The following RBFOX2 variants were observed in gnomAD, a reference collection of about 807,000 sequenced individuals.
The protein encoded by RBFOX2 is RNA binding protein fox-1 homolog 2.
Under a neutral mutation model 49.1 loss-of-function variants are expected in RBFOX2, and 10 were observed. The ratio of observed to expected loss-of-function variants is 0.20; its 90% CI spans 0.13 to 0.35. RBFOX2 has a LOEUF of 0.35. RBFOX2 is among the 10% of genes least tolerant of loss of function. The probability of loss-of-function intolerance (pLI) is 1.00; values close to 1 mark genes in which losing one functional copy is unlikely to be tolerated. For missense variants in RBFOX2, 323 were observed against 486.9 expected (o/e 0.66, Z 3.17); for synonymous variants, 183 against 187.4 (o/e 0.98, Z 0.19).
At chr22:36,027,389 G>A (rs78377960) in intron 1 of RBFOX2, among the ~76,000 whole-genome samples, 14,604 of 152,120 alleles carry the variant, frequency 0.096, 760 homozygotes, top group African/African-American at 0.14. Flanking sequence ...ACCTCCAAAG[G>A]TTTCAAGGTC....
At chr22:35,823,325 ACACTAGC>A (rs1359215296) in intron 1 of RBFOX2, among the ~76,000 whole-genome samples, 3 of 152,212 alleles carry the variant, frequency 2.0e-5, no homozygotes, top group Non-Finnish European at 4.4e-5. Context: ...GGCTTCCATA[ACACTAGC>A]AAGCAGCCTC....
intron 1 of RBFOX2, chr22:35,996,135 T>C (rs1370543781): frequency 2.6e-5 from 4 of 152,150 alleles, no homozygotes; most frequent in Non-Finnish European, 5.9e-5. Flanking sequence ...AAATGAAAAG[T>C]TTCTTCTCCC....
intron 1 of RBFOX2, among the ~76,000 whole-genome samples, chr22:36,022,038 C>T (rs909752626): frequency 6.6e-6 from 1 of 152,218 alleles, no homozygotes; most frequent in African/African-American, 2.4e-5. Context: ...GTCTGTGGTT[C>T]TTCCCTCCTG....
At chr22:35,845,328 C>A (rs1034203358), upstream of RBFOX2, among the ~76,000 whole-genome samples, 3 of 151,546 alleles carry the variant, frequency 2.0e-5, no homozygotes, top group African/African-American at 7.3e-5. Context: ...ACAGCTAACT[C>A]TATTATTTCC....
At position 35,815,450 on chromosome 22, in the gene RBFOX2, G is replaced by C. The variant is rs941775301; in HGVS notation, c.28-5446C>G. 5.3e-5 allele frequency among the ~76,000 whole-genome samples: 8 copies of C among 152,168 alleles called. 1 individual carries two copies. The highest frequency in any genetic ancestry group is 4.4e-5 in the Non-Finnish European group (3 of 68,018). On this transcript the variant is annotated intron_variant, in intron 1 of 11. Transcript: ENST00000405409. ...ACTAAAGTCTATGTAATCTTTGAGA[G>C]AGAAGGGTGTATTTTTGTTTATATC...
At chr22:35,929,922 G>A (rs1329935222) in intron 1 of RBFOX2, among the ~76,000 whole-genome samples, 1 of 151,796 alleles carries the variant, frequency 6.6e-6, no homozygotes, top group East Asian at 1.9e-4. Flanking sequence ...TACTAAAGCT[G>A]GACTGTGACA....
chr22:35,917,874 T>A (rs140037595), intron 1 of RBFOX2, among the ~76,000 whole-genome samples: 1 of 152,314 alleles, frequency 6.6e-6, no homozygotes, highest in Non-Finnish European at 1.5e-5. Context: ...CAGTACATGT[T>A]CTTCAGGAAA....
intron 1 of RBFOX2, among the ~76,000 whole-genome samples, chr22:35,913,238 C>A (rs2050022959): frequency 1.3e-5 from 2 of 151,774 alleles, no homozygotes; most frequent in South Asian, 4.2e-4. Context: ...CTTTGAGAGG[C>A]AGAGGAGGAA....
At chr22:35,842,143 T>C (rs536389480), upstream of RBFOX2, among the ~76,000 whole-genome samples, 7 of 152,334 alleles carry the variant, frequency 4.6e-5, no homozygotes, top group South Asian at 1.5e-3. Flanking sequence ...ATAATCATTT[T>C]AACAATTCTG....
chr22:35,956,868 G>A (rs1381641025), intron 1 of RBFOX2, among the ~76,000 whole-genome samples: 2 of 152,110 alleles, frequency 1.3e-5, no homozygotes, highest in African/African-American at 2.4e-5. Flanking sequence ...ATTCATAACC[G>A]AGGATGGAGA....
upstream of RBFOX2, among the ~76,000 whole-genome samples, chr22:35,963,635 CTT>C (rs1003246783): frequency 6.6e-6 from 1 of 152,174 alleles, no homozygotes; most frequent in African/African-American, 2.4e-5. Context: ...TTTATCTACT[CTT>C]TGACTCAAAC....
chr22:35,812,906 A>T (rs1024313034), intron 1 of RBFOX2, among the ~76,000 whole-genome samples: 5 of 152,242 alleles, frequency 3.3e-5, no homozygotes, highest in African/African-American at 1.2e-4. Context: ...GCTGACTCAG[A>T]TAACTGAATA....
intron 1 of RBFOX2, among the ~76,000 whole-genome samples, chr22:35,921,630 C>CCTTA: frequency 6.6e-6 from 1 of 152,332 alleles, no homozygotes; most frequent in South Asian, 2.1e-4. Flanking sequence ...AAAAGGCCAA[C>CCTTA]CTTACAACAT....
intron 4 of RBFOX2, among the ~76,000 whole-genome samples, chr22:35,776,432 T>C (rs994457683): frequency 2.0e-5 from 3 of 152,238 alleles, no homozygotes; most frequent in African/African-American, 4.8e-5. Context: ...ATAATTGTTA[T>C]AGTCAGGATT....
In RBFOX2 at chr22:35,761,479, C is replaced by G; in HGVS notation, c.608-11G>C. On this transcript the variant is annotated splice_polypyrimidine_tract_variant and intron_variant, in intron 6 of 11. Coordinates refer to ENST00000405409, the Ensembl canonical transcript of RBFOX2. Reference sequence around the variant, plus strand: ...GGCTTAATTTCCAACCTGAAACACACAAAATGGAAGGTAAGCATTTAAGAC... The same window carrying G: ...GGCTTAATTTCCAACCTGAAACACAGAAAATGGAAGGTAAGCATTTAAGAC... 2 of 1,613,846 alleles carry G rather than the reference C, an allele frequency of 1.2e-6. No individual in the cohort carries two copies. The highest frequency in any genetic ancestry group is 1.7e-6 in the Non-Finnish European group (2 of 1,179,840).
At chr22:35,826,996 G>A (rs558365770) in intron 1 of RBFOX2, among the ~76,000 whole-genome samples, 39 of 152,268 alleles carry the variant, frequency 2.6e-4, no homozygotes, top group Admixed American at 3.9e-4. Context: ...ACTTAGATAA[G>A]CTTTTGGTCA....
chr22:35,886,619 C>T (rs1194562128), intron 1 of RBFOX2, among the ~76,000 whole-genome samples: 3 of 152,206 alleles, frequency 2.0e-5, no homozygotes, highest in African/African-American at 7.2e-5. Context: ...CTACTGAATA[C>T]TCTACTGTGG....
chr22:35,820,030 G>GGCCTT (rs1418233319), intron 1 of RBFOX2, among the ~76,000 whole-genome samples: 1 of 152,182 alleles, frequency 6.6e-6, no homozygotes, highest in Non-Finnish European at 1.5e-5. Flanking sequence ...GGAACATGGA[G>GGCCTT]GCCTTGGAGA....
intron 1 of RBFOX2, chr22:35,824,343 T>A (rs1253709199): frequency 1.3e-5 from 2 of 152,192 alleles, no homozygotes; most frequent in East Asian, 3.9e-4. Context: ...TAATTTTTCA[T>A]CTCCCTCCTT....
Sources: allele counts gnomAD v4.1 joint callset (sites outside exome capture counted in the v4.1 genomes callset), GRCh38; gene constraint gnomAD v4.1.1; transcripts MANE v1.5; gene names NCBI Gene and HGNC (gene_info 2026-07-23, HGNC 2026-07-21).